USP22: variants seen among roughly 807,000 people sequenced by gnomAD.
USP22 encodes ubiquitin specific peptidase 22.
USP22 carries 22 observed loss-of-function variants against 68.1 expected under a neutral mutation model. The observed-to-expected ratio is 0.32, with a 90% confidence interval of 0.23 to 0.46. The LOEUF is 0.46. Among genes scored for constraint, USP22 ranks in the 20% least tolerant of loss-of-function variants. The pLI is 1.00. For synonymous variants in USP22, 279 were observed against 274.2 expected (o/e 1.02, Z -0.17); for missense variants, 433 against 695.8 (o/e 0.62, Z 4.25).
intron 5 of USP22, among the ~76,000 whole-genome samples, 200 bp from the exon 6 acceptor site, chr17:21,016,099 T>G (rs16962364): frequency 0.33 from 49,989 of 152,018 alleles, 8,748 homozygotes; most frequent in African/African-American, 0.41. Flanking sequence ...TCATATGAAT[T>G]TTTTCCTTTC....
In USP22 at chr17:21,004,777, CTGCGGGCAGCCAAT is replaced by C. The variant is rs1913726981; in HGVS notation, c.1385+137_1385+150del. ...CGTGGAGCGGCCTTTCCTAGTGGAGCTGCGGGCAGCCAATAGTGGAGCTGCGGGCAGCCAAGCGG... is the reference window on the plus strand; with the variant it reads ...CGTGGAGCGGCCTTTCCTAGTGGAGCAGTGGAGCTGCGGGCAGCCAAGCGG... On this transcript the variant is annotated intron_variant, in intron 11 of 12. Coordinates refer to ENST00000261497, the MANE Select transcript of USP22 (RefSeq NM_015276.2). 38 of 87,172 alleles carry C rather than the reference CTGCGGGCAGCCAAT, an allele frequency of 4.4e-4. 10 individuals are homozygous for C. Among genetic ancestry groups the C allele is most frequent in the South Asian group, 3.3e-3 (7 of 2,128 alleles). 5.4% of individuals were successfully genotyped at this position (87,172 alleles called of 1,614,324 possible). A position where few individuals can be genotyped will look rare whatever the true frequency, so the allele number is the denominator to read the frequency against.
At position 21,003,087 on chromosome 17, in the gene USP22, G is replaced by C; in HGVS notation, c.1536-14C>G. 1.2e-6 allele frequency: 2 copies of C among 1,613,858 alleles called. No homozygotes were observed. The highest frequency in any genetic ancestry group is 1.7e-6 in the Non-Finnish European group (2 of 1,179,880). On this transcript the variant is annotated splice_polypyrimidine_tract_variant and intron_variant, in intron 12 of 12. Transcript: ENST00000261497. Reference sequence around the variant, plus strand: ...AACAGCAAGTACCTGTGGAGGCAGAGAGAGGGAGGAGGCTCACCTCTAACT... The same window carrying C: ...AACAGCAAGTACCTGTGGAGGCAGACAGAGGGAGGAGGCTCACCTCTAACT...
chr17:21,005,947 GAC>G (rs1241571993), intron 10 of USP22, among the ~76,000 whole-genome samples: 2 of 152,164 alleles, frequency 1.3e-5, no homozygotes, highest in African/African-American at 4.8e-5. Context: ...GAGGGAACTG[GAC>G]ACAGAGTCAG....
At chr17:21,026,112 G>A (rs1001714130) in intron 2 of USP22, among the ~76,000 whole-genome samples, 5 of 152,130 alleles carry the variant, frequency 3.3e-5, no homozygotes, top group African/African-American at 1.2e-4. Flanking sequence ...ACAAAAATTA[G>A]CTGGGCATGT....
intron 11 of USP22, 108 bp from the exon 12 acceptor site, chr17:21,004,459 G>A: frequency 7.1e-7 from 1 of 1,401,320 alleles, no homozygotes; most frequent in Non-Finnish European, 9.8e-7. Flanking sequence ...GAGGCCTGTG[G>A]GCCTGTCAAC....
Position 21,011,209 on chromosome 17 carries a change from C to G in USP22, c.1045G>C (p.Val349Leu), listed in dbSNP as rs752336394. ...GACACGTGGCTTTCCCCGTTTACCA[C>G]GTTGCCCTCGCTCCCTGGGCTCAGG... ...WPLSPGSEGN[V>L]VNGESHVSGT... Residue 349 changes from valine to leucine, a missense_variant, in exon 8 of 13, where the codon GTG (valine) becomes CTG (leucine). Val to Leu is a conservative substitution (Grantham distance 32, BLOSUM62 1). This residue lies in a region of USP22 where 178 missense variants were observed against 351.5 expected (regional missense o/e 0.51). Transcript: ENST00000261497. The G allele has an allele frequency of 3.7e-6, 6 of 1,612,388 alleles. No homozygotes were observed. In the Admixed American group the frequency reaches 8.4e-5, roughly 22 times the overall value.
intron 3 of USP22, among the ~76,000 whole-genome samples, chr17:21,019,654 T>C (rs1337967567): frequency 1.1e-5 from 1 of 87,560 alleles, no homozygotes; most frequent in Non-Finnish European, 2.6e-5. Context: ...AAAACGTGTG[T>C]GCCACAAAAT....
intron 3 of USP22, among the ~76,000 whole-genome samples, chr17:21,019,411 A>T (rs1972126567): frequency 6.6e-6 from 1 of 152,224 alleles, no homozygotes; most frequent in South Asian, 2.1e-4. Flanking sequence ...GTTTCCTGCA[A>T]GAAAAGCAGC....
chr17:21,041,502 G>A (rs1420281148), intron 1 of USP22, among the ~76,000 whole-genome samples: 1 of 152,256 alleles, frequency 6.6e-6, no homozygotes, highest in Non-Finnish European at 1.5e-5. Flanking sequence ...GGAGGCTGAG[G>A]CAGGAGAATC....
Position 21,028,599 on chromosome 17 carries a change from C to T in USP22, c.247G>A (p.Gly83Ser). Residue 83 changes from glycine to serine, a missense_variant, in exon 2 of 13, where the codon GGC (glycine) becomes AGC (serine). Gly to Ser is a moderately conservative substitution (Grantham distance 56, BLOSUM62 0). This residue lies in a region of USP22 where 144 missense variants were observed against 237.2 expected (regional missense o/e 0.61). Transcript: ENST00000261497. ...LHSCLYCVFF[G>S]CFTKKHIHEH... ...TGAATATGCTTCTTTGTGAAACAGCCGAAGAAGACACAGTAGAGGCAGGAA... is the reference window on the plus strand; with the variant it reads ...TGAATATGCTTCTTTGTGAAACAGCTGAAGAAGACACAGTAGAGGCAGGAA... 6.2e-7 allele frequency: 1 copy of T among 1,613,944 alleles called. No homozygotes were observed. The highest frequency in any genetic ancestry group is 8.5e-7 in the Non-Finnish European group (1 of 1,180,010).
chr17:21,032,732 A>G (rs1446347525), intron 1 of USP22, among the ~76,000 whole-genome samples: 1 of 152,054 alleles, frequency 6.6e-6, no homozygotes, highest in Non-Finnish European at 1.5e-5. Flanking sequence ...TGAGGCCAGG[A>G]GTTCAAGACC....
At position 21,011,231 on chromosome 17, in the gene USP22, CA is replaced by C; in HGVS notation, c.1022del (p.Leu341ArgfsTer10). ...LPGSSTPFWP[L>X]SPGSEGNVVN... ...CCACGTTGCCCTCGCTCCCTGGGCT[CA>C]GGGGCCAGAATGGGGTGGAAGAGCC... On this transcript the variant is annotated frameshift_variant, in exon 8 of 13. Transcript: ENST00000261497. LOFTEE classifies it high-confidence loss of function. The C allele has an allele frequency of 6.2e-7, 1 of 1,608,462 alleles. No individual in the cohort carries two copies. Among genetic ancestry groups the C allele is most frequent in the Non-Finnish European group, 8.5e-7 (1 of 1,177,448 alleles).
chr17:21,021,283 G>C, intron 2 of USP22, 57 bp from the exon 3 acceptor site: 6 of 1,209,434 alleles, frequency 5.0e-6, no homozygotes, highest in Non-Finnish European at 7.4e-6. Context: ...ACAATGGAAG[G>C]CTGGAGGGCA....
At chr17:21,026,514 G>A (rs1012594524) in intron 2 of USP22, among the ~76,000 whole-genome samples, 6 of 152,086 alleles carry the variant, frequency 3.9e-5, no homozygotes, top group African/African-American at 7.2e-5. Flanking sequence ...TGTAGAGACA[G>A]GATTTCACCA....
At position 21,002,799 on chromosome 17, in the gene USP22, AGC is replaced by A. The variant is rs1291708572; in HGVS notation, c.*230_*231del. 4 of 516,706 alleles carry A rather than the reference AGC, an allele frequency of 7.7e-6. No homozygotes were observed. The highest frequency in any genetic ancestry group is 7.7e-5 in the African/African-American group (4 of 51,758). The allele number at this position is 516,706 out of a possible 1,614,324, so 32.0% of individuals were successfully genotyped here. On this transcript the variant is annotated 3_prime_UTR_variant, in exon 13 of 13. Transcript: ENST00000261497. ...GGTGTACGCTGCTCCTCCCACCCAGAGCACACCCCTCATCTCATCCATCTTCA... is the reference window on the plus strand; with the variant it reads ...GGTGTACGCTGCTCCTCCCACCCAGAACACCCCTCATCTCATCCATCTTCA...
chr17:21,037,490 T>C (rs1225791176), intron 1 of USP22, among the ~76,000 whole-genome samples: 3 of 152,356 alleles, frequency 2.0e-5, no homozygotes, highest in East Asian at 3.9e-4. Flanking sequence ...TTCATCTCCC[T>C]GGTCTTCCTT....
Position 21,003,900 on chromosome 17 carries a change from C to CAA in USP22, c.1535+300_1535+301dup, listed in dbSNP as rs545524182. ...GGGCAACAAGAGCGAAACTCCGTCT[C>CAA]AAAAAAAAAAAAAAAAAAAAAAAGA... On this transcript the variant is annotated intron_variant, in intron 12 of 12. Transcript: ENST00000261497. 9.6e-4 allele frequency among the ~76,000 whole-genome samples: 109 copies of CAA among 113,624 alleles called. 2 individuals are homozygous for CAA. The highest frequency in any genetic ancestry group is 4.1e-3 in the Middle Eastern group (1 of 244). 74.5% of individuals were successfully genotyped at this position (113,624 alleles called of 152,430 possible).
intron 1 of USP22, among the ~76,000 whole-genome samples, chr17:21,036,522 G>GA (rs1358159684): frequency 7.4e-6 from 1 of 134,292 alleles, no homozygotes; most frequent in Non-Finnish European, 1.6e-5. Flanking sequence ...GTACTGTAAG[G>GA]GGGGGGGGGG....
intron 2 of USP22, among the ~76,000 whole-genome samples, chr17:21,024,287 A>G (rs7224746): frequency 0.75 from 113,481 of 152,096 alleles, 42,815 homozygotes; most frequent in South Asian, 0.82. Context: ...CAGCCCACAC[A>G]TGTAGCTGAC....
Sources: gnomAD v4.1 joint callset for allele counts (sites outside exome capture counted in the v4.1 genomes callset) on GRCh38, gnomAD v4.1.1 for gene constraint, gnomAD v4.1.1 regional missense constraint, MANE v1.5 for transcripts, NCBI Gene and HGNC (gene_info 2026-07-23, HGNC 2026-07-21) for gene names.